The following MFF variants were observed in gnomAD, a reference collection of about 807,000 sequenced individuals.
MFF encodes the protein chromosome 2 open reading frame 33.
A neutral mutation model predicts 36.9 loss-of-function variants in MFF; 12 were observed. The observed-to-expected ratio is 0.33, with a 90% CI of 0.21 to 0.53. MFF has a LOEUF of 0.53. Among genes scored for constraint, MFF ranks in the 20% least tolerant of loss-of-function variants. The pLI, the probability that MFF is intolerant of heterozygous loss-of-function variation, is 0.95. For synonymous variants in MFF, 99 were observed against 126.2 expected (o/e 0.78, Z 1.44); for missense variants, 348 against 366.6 (o/e 0.95, Z 0.42).
intron 4 of MFF, among the ~76,000 whole-genome samples, chr2:227,335,567 C>CAGT (rs1270285959): frequency 2.0e-5 from 3 of 152,148 alleles, no homozygotes; most frequent in Non-Finnish European, 4.4e-5. Flanking sequence ...ATGTTCTCTA[C>CAGT]AGGGCAAGAT....
Position 227,357,200 on chromosome 2 carries a change from T to C in MFF, c.*83T>C. Reference sequence around the variant, plus strand: ...AAACTTCTTTGTTTCTGTCTCTGCATTGTATGCCATTTTATAGTCCACACC... The same window carrying C: ...AAACTTCTTTGTTTCTGTCTCTGCACTGTATGCCATTTTATAGTCCACACC... On this transcript the variant is annotated 3_prime_UTR_variant, in exon 9 of 9. Transcript: ENST00000304593. The C allele has an allele frequency of 6.9e-7, 1 of 1,452,838 alleles. No homozygotes were observed. Among genetic ancestry groups the C allele is most frequent in the Non-Finnish European group, 9.4e-7 (1 of 1,062,620 alleles). The allele number at this position is 1,452,838 out of a possible 1,614,324, so 90.0% of individuals were successfully genotyped here. A position where few individuals can be genotyped will look rare whatever the true frequency, so the allele number is the denominator to read the frequency against.
intron 1 of MFF, chr2:227,325,686 T>G (rs2074050290): frequency 6.6e-6 from 1 of 152,188 alleles, no homozygotes. Context: ...CCTCTTCACC[T>G]TGTGTGGTTC....
chr2:227,333,929 C>T (rs561901876), intron 4 of MFF, among the ~76,000 whole-genome samples: 22 of 152,252 alleles, frequency 1.4e-4, no homozygotes, highest in East Asian at 3.9e-4. Flanking sequence ...GAAAGTTTGC[C>T]GGGATTTCCC....
rs766778109 is a variant in MFF at position 227,335,000 on chromosome 2, CT to C, written c.351+2413del. Among the ~76,000 whole-genome samples the C allele has an allele frequency of 2.6e-5, 4 of 152,002 alleles. No homozygotes were observed. In the East Asian group the frequency reaches 5.8e-4, roughly 22 times the overall value. On this transcript the variant is annotated intron_variant, in intron 4 of 8. Transcript: ENST00000304593. Reference sequence around the variant, plus strand: ...CCTGGCCAACATGGTGAGACCCTGTCTCTACTGAAAATACAAAAATTAGCTG... The same window carrying C: ...CCTGGCCAACATGGTGAGACCCTGTCCTACTGAAAATACAAAAATTAGCTG...
intron 4 of MFF, among the ~76,000 whole-genome samples, chr2:227,338,266 G>A (rs996336286): frequency 6.6e-6 from 1 of 151,558 alleles, no homozygotes; most frequent in African/African-American, 2.4e-5. Context: ...CTACTCGGGA[G>A]GGTGAGGCAT....
chr2:227,356,101 G>A (rs575820528), intron 8 of MFF, among the ~76,000 whole-genome samples: 82 of 152,270 alleles, frequency 5.4e-4, no homozygotes, highest in African/African-American at 1.9e-3. Context: ...TTTGGAAACC[G>A]CTCCTTGCAG....
chr2:227,351,316 T>G (rs1385549855), intron 6 of MFF, among the ~76,000 whole-genome samples: 2 of 152,182 alleles, frequency 1.3e-5, no homozygotes, highest in Non-Finnish European at 2.9e-5. Flanking sequence ...GCTCCAGAAA[T>G]TTCTTTAAGC....
At chr2:227,346,026 A>G (rs2075692235) in intron 5 of MFF, among the ~76,000 whole-genome samples, 1 of 152,192 alleles carries the variant, frequency 6.6e-6, no homozygotes, top group Non-Finnish European at 1.5e-5. Context: ...AGTTATTCAT[A>G]AAGCTGTGGA....
chr2:227,351,773 T>C (rs1309407874), intron 6 of MFF: 6 of 152,186 alleles, frequency 3.9e-5, no homozygotes, highest in Admixed American at 3.9e-4. Flanking sequence ...TGAGAATGAG[T>C]GGAAATCCCC....
chr2:227,334,652 C>A (rs2074849237), intron 4 of MFF, among the ~76,000 whole-genome samples: 1 of 152,122 alleles, frequency 6.6e-6, no homozygotes. Context: ...GCATTTTGGA[C>A]TGGAAAATTC....
chr2:227,352,586 A>G lies in MFF; in HGVS notation c.659+13A>G, dbSNP rs779976481. 25 of 1,609,940 alleles carry G rather than the reference A, an allele frequency of 1.6e-5. No homozygotes were observed. In the Admixed American group the frequency reaches 3.3e-4, roughly 21 times the overall value. On this transcript the variant is annotated intron_variant, in intron 7 of 8. Coordinates refer to ENST00000304593, the MANE Select transcript of MFF (RefSeq NM_001277062.2). ...ATGACAACGTCAGGTAAATTTTGAG[A>G]CTTCGTAATTACCAGGGTAAATGCT...
intron 6 of MFF, chr2:227,351,627 CT>C (rs2076000895): frequency 6.6e-6 from 1 of 152,144 alleles, no homozygotes; most frequent in Non-Finnish European, 1.5e-5. Context: ...GTAAATATTG[CT>C]GATTGTTTTA....
chr2:227,347,672 G>C (rs1197384687), intron 6 of MFF, among the ~76,000 whole-genome samples: 1 of 152,114 alleles, frequency 6.6e-6, no homozygotes, highest in Non-Finnish European at 1.5e-5. Flanking sequence ...TTCCACTTAG[G>C]GATATGCCAA....
In MFF at chr2:227,357,433, T is replaced by C; in HGVS notation, c.*316T>C. ...TTGCCTCATCAGTCCACCCAACTGA[T>C]TCTGAATGGGAGAGAGTCTGTAGAG... On this transcript the variant is annotated 3_prime_UTR_variant, in exon 9 of 9. Coordinates refer to ENST00000304593, the MANE Select transcript of MFF (RefSeq NM_001277062.2). 4.9e-6 allele frequency: 1 copy of C among 203,480 alleles called. No homozygotes were observed. The highest frequency in any genetic ancestry group is 1.0e-5 in the Non-Finnish European group (1 of 99,132). The allele number at this position is 203,480 out of a possible 1,614,324, so 12.6% of individuals were successfully genotyped here.
chr2:227,349,485 T>G (rs969447556), intron 6 of MFF, among the ~76,000 whole-genome samples: 4 of 152,162 alleles, frequency 2.6e-5, no homozygotes, highest in Admixed American at 2.0e-4. Flanking sequence ...TCAGTAAGTT[T>G]TTAAAAGTTC....
chr2:227,352,629 T>C, intron 7 of MFF, 56 bp downstream of exon 7: 1 of 1,379,380 alleles, frequency 7.2e-7, no homozygotes, highest in Non-Finnish European at 1.0e-6. Flanking sequence ...ATTTGTGTGT[T>C]GCAGGGCATG....
At position 227,357,052 on chromosome 2, in the gene MFF, A is replaced by AATT. The variant is rs1559995657; in HGVS notation, c.811_812insATT (p.Met271delinsAsnLeu). On this transcript the variant is annotated protein_altering_variant, in exon 9 of 9. Coordinates refer to ENST00000304593, the MANE Select transcript of MFF (RefSeq NM_001277062.2). Reference sequence around the variant, plus strand: ...GAACAAAGAACGTGCTAAAAGAGAAATGGTCATGTATTCAATTACTGTAGC... The same window carrying AATT: ...GAACAAAGAACGTGCTAAAAGAGAAAATTTGGTCATGTATTCAATTACTGTAGC... 6.2e-7 allele frequency: 1 copy of AATT among 1,612,870 alleles called. No individual in the cohort carries two copies. The highest frequency in any genetic ancestry group is 1.1e-5 in the South Asian group (1 of 91,034).
At chr2:227,330,500 T>G in intron 2 of MFF, 126 bp from the exon 3 acceptor site, 1 of 617,796 alleles carries the variant, frequency 1.6e-6, no homozygotes, top group Non-Finnish European at 2.8e-6. Flanking sequence ...GCTTTGTATG[T>G]GTTCAGTACT....
At chr2:227,328,876 AT>A (rs1310365824) in intron 2 of MFF, 87 bp downstream of exon 2, 4 of 133,712 alleles carry the variant, frequency 3.0e-5, no homozygotes, top group Admixed American at 2.9e-4. Context: ...GTCCCCAGAG[AT>A]TTTTTGATAA....
Sources: gnomAD v4.1 joint callset for allele counts (sites outside exome capture counted in the v4.1 genomes callset) on GRCh38, gnomAD v4.1.1 for gene constraint, MANE v1.5 for transcripts, NCBI Gene and HGNC (gene_info 2026-07-23, HGNC 2026-07-21) for gene names.